Variants in MUC5B observed in about 807,000 individuals in gnomAD.
MUC5B encodes mucin-5B.
In MUC5B, 116 loss-of-function variants were observed where a neutral mutation model predicts 376.9. The observed-to-expected ratio is 0.31, with a 90% CI of 0.26 to 0.36. MUC5B has a LOEUF of 0.36. Ranked by LOEUF, MUC5B falls within the 10% of genes least tolerant of loss-of-function variation. The pLI is 1.00. For synonymous variants in MUC5B, 3,517 were observed against 3,390.9 expected, an observed-to-expected ratio of 1.04 and a Z score of -1.29; for missense variants, 7,165 against 7,769.9, an observed-to-expected ratio of 0.92 and a Z score of 2.93.
In MUC5B at chr11:1,241,860, C is replaced by A; in HGVS notation, c.4980C>A (p.Pro1660=). 6.2e-7 allele frequency: 1 copy of A among 1,613,372 alleles called. No individual in the cohort carries two copies. Residue 1660 remains proline (P), a synonymous_variant, in exon 31 of 49, where the codon CCC becomes CCA. Coordinates refer to ENST00000529681, the MANE Select transcript of MUC5B (RefSeq NM_002458.3). The stretch of plus-strand genomic sequence containing the variant: ...CCCTCTCAGAAGGACTGACATCCCC[C>A]AGATACACAAGCACCCTTGGTACAG... ...VPTLSEGLTS[P]RYTSTLGTAT... is the part of the protein sequence containing the mutation.
chr11:1,260,404 G>A lies in MUC5B; in HGVS notation c.16966+11G>A. 1 of 1,612,422 alleles carries A rather than the reference G, an allele frequency of 6.2e-7. No individual in the cohort carries two copies. The highest frequency in any genetic ancestry group is 1.1e-5 in the South Asian group (1 of 91,088). On this transcript the variant is annotated intron_variant, in intron 47 of 48. Transcript: ENST00000529681. The stretch of plus-strand genomic sequence containing the variant: ...ACTCCTGTGAGGAGGGTAAGTGGAA[G>A]CCACCTTCCCACACCAGCCCTCCAG...
In MUC5B at chr11:1,235,124, C is replaced by T. The variant is rs1862126720; in HGVS notation, c.2670C>T (p.Leu890=). Reference sequence around the variant, plus strand: ...GGAGGTGGGAGTGCAGCCACCGGCTCTGCCTGGGCACCTGCGTGGCCTACG... The same window carrying T: ...GGAGGTGGGAGTGCAGCCACCGGCTTTGCCTGGGCACCTGCGTGGCCTACG... ...RNRRWECSHR[L]CLGTCVAYGD... Residue 890 remains leucine (L), a synonymous_variant, in exon 22 of 49, where the codon CTC becomes CTT. Transcript: ENST00000529681. 1 of 1,612,696 alleles carries T rather than the reference C, an allele frequency of 6.2e-7. No homozygotes were observed. The highest frequency in any genetic ancestry group is 1.3e-5 in the African/African-American group (1 of 75,046).
chr11:1,241,893 G>C lies in MUC5B; in HGVS notation c.5013G>C (p.Thr1671=), dbSNP rs566512627. The change falls in exon 31 of 49, where the codon ACG becomes ACC. Residue 1671 remains threonine (T), a synonymous_variant. Transcript: ENST00000529681. The stretch of plus-strand genomic sequence containing the variant: ...CAAGCACCCTTGGTACAGCCACCAC[G>C]GGAGGCCCCACGACGCCTGCAGGCT... ...RYTSTLGTAT[T]GGPTTPAGST... 6.2e-7 allele frequency: 1 copy of C among 1,611,728 alleles called. No individual in the cohort carries two copies. Among genetic ancestry groups the C allele is most frequent in the Non-Finnish European group, 8.5e-7 (1 of 1,179,190 alleles).
Position 1,251,360 on chromosome 11 carries a change from C to G in MUC5B, c.14480C>G (p.Thr4827Ser), listed in dbSNP as rs1238306295. 6.2e-7 allele frequency: 1 copy of G among 1,612,238 alleles called. No homozygotes were observed. The highest frequency in any genetic ancestry group is 1.1e-5 in the South Asian group (1 of 91,030). Residue 4827 changes from threonine to serine, a missense_variant, in exon 31 of 49, where the codon ACT (threonine) becomes AGT (serine). Coordinates refer to ENST00000529681, the MANE Select transcript of MUC5B (RefSeq NM_002458.3). ...CTCACTGAGCTGACCACAACAGCCA[C>G]TACAACTGCAGCCACTGGATCCACG... is the stretch of plus-strand genomic sequence containing the variant. ...RILTELTTTA[T>S]TTAATGSTAT... is the part of the protein sequence containing the mutation.
Position 1,246,112 on chromosome 11 carries a change from G to A in MUC5B, c.9232G>A (p.Gly3078Arg), listed in dbSNP as rs200275528. 114 of 1,611,826 alleles carry A rather than the reference G, an allele frequency of 7.1e-5. No homozygotes were observed. The highest frequency in any genetic ancestry group is 6.6e-4 in the Middle Eastern group (4 of 6,058). ...CCCCTCCTTCACCCTTGGGACCACC[G>A]GGACCCTCCCAGAACAGACCACCAC... Reference protein sequence around the residue: ...PIPSFTLGTTGTLPEQTTTPM... With the variant: ...PIPSFTLGTTRTLPEQTTTPM... Residue 3078 changes from glycine to arginine, a missense_variant, in exon 31 of 49, where the codon GGG becomes AGG. Transcript: ENST00000529681.
Position 1,226,236 on chromosome 11 carries a change from G to A in MUC5B, c.159G>A (p.Val53=). ...CGACGTCCTCGCCCACCCGGCGCGT[G>A]AGCTTTGTTCCACCCGTCACTGTCT... is the stretch of plus-strand genomic sequence containing the variant. The part of the protein sequence containing the change: ...GAPTSSPTRR[V]SFVPPVTVFP... The change falls in exon 3 of 49, where the codon GTG becomes GTA. Residue 53 remains valine (V), a synonymous_variant. Coordinates refer to ENST00000529681, the MANE Select transcript of MUC5B (RefSeq NM_002458.3). The A allele has an allele frequency of 1.3e-6, 2 of 1,556,744 alleles. No homozygotes were observed. Among genetic ancestry groups the A allele is most frequent in the South Asian group, 2.4e-5 (2 of 84,344 alleles).
In MUC5B at chr11:1,242,549, C is replaced by A; in HGVS notation, c.5669C>A (p.Ala1890Asp). The change falls in exon 31 of 49, where the codon GCC becomes GAC. Residue 1890 changes from alanine (A) to aspartate (D), a missense_variant. By Grantham distance (126) the Ala-to-Asp change is moderately radical. Transcript: ENST00000529681. ...TACAGCCACTGCCCCAGTACCCCAG[C>A]CACCAGCTCCACGGCCACGCCCTCC... is the stretch of plus-strand genomic sequence containing the variant. ...DDYSHCPSTP[A>D]TSSTATPSST... 6.2e-7 allele frequency: 1 copy of A among 1,613,852 alleles called. No individual in the cohort carries two copies. Among genetic ancestry groups the A allele is most frequent in the Non-Finnish European group, 8.5e-7 (1 of 1,179,818 alleles).
intron 18 of MUC5B, 86 bp from the exon 19 acceptor site, chr11:1,233,707 A>T (rs1862087653): frequency 1.5e-6 from 2 of 1,360,692 alleles, no homozygotes; most frequent in Non-Finnish European, 2.0e-6. Flanking sequence ...GGGGAGGCCC[A>T]GCGTTCGGCG....
At position 1,244,835 on chromosome 11, in the gene MUC5B, T is replaced by A; in HGVS notation, c.7955T>A (p.Ile2652Asn). 3.1e-6 allele frequency: 5 copies of A among 1,609,798 alleles called. No homozygotes were observed. The highest frequency in any genetic ancestry group is 4.2e-6 in the Non-Finnish European group (5 of 1,178,688). ...TRGSTVTPSS[I>N]PGTTHTPTVL... Reference sequence around the variant, plus strand: ...GGTTCCACGGTGACCCCCTCCTCCATCCCGGGGACCACCCACACCCCCACA... The same window carrying A: ...GGTTCCACGGTGACCCCCTCCTCCAACCCGGGGACCACCCACACCCCCACA... Residue 2652 changes from isoleucine to asparagine, a missense_variant, in exon 31 of 49, where the codon ATC becomes AAC. Ile to Asn is a moderately radical substitution (Grantham distance 149). This residue lies in a region of MUC5B where 141 missense variants were observed against 111.2 expected (regional missense o/e 1.27). Transcript: ENST00000529681.
Position 1,242,514 on chromosome 11 carries a change from C to T in MUC5B, c.5634C>T (p.Cys1878=). Residue 1878 remains cysteine (C), a synonymous_variant, in exon 31 of 49, where the codon TGC becomes TGT. Coordinates refer to ENST00000529681, the MANE Select transcript of MUC5B (RefSeq NM_002458.3). ...MCFNYNVRVL[C]CDDYSHCPST... ...TCAACTACAACGTGCGTGTGCTTTG[C>T]TGTGACGACTACAGCCACTGCCCCA... 1.2e-6 allele frequency: 2 copies of T among 1,613,798 alleles called. No individual in the cohort carries two copies. Among genetic ancestry groups the T allele is most frequent in the Non-Finnish European group, 1.7e-6 (2 of 1,179,812 alleles).
intron 24 of MUC5B, among the ~76,000 whole-genome samples, 181 bp from the exon 25 acceptor site, chr11:1,236,744 C>T (rs1054192009): frequency 6.6e-6 from 1 of 152,184 alleles, no homozygotes; most frequent in Admixed American, 6.5e-5. Flanking sequence ...TGCCACCCAG[C>T]GGCCCACCCA....
rs546799199 is a variant in MUC5B at position 1,251,369 on chromosome 11, C to G, written c.14489C>G (p.Ala4830Gly). The change falls in exon 31 of 49, where the codon GCA (alanine) becomes GGA (glycine). Residue 4830 changes from alanine to glycine, a missense_variant. By Grantham distance (60) the Ala-to-Gly change is moderately conservative (BLOSUM62 0). This residue lies in a region of MUC5B where 730 missense variants were observed against 592.7 expected (regional missense o/e 1.23). Coordinates refer to ENST00000529681, the MANE Select transcript of MUC5B (RefSeq NM_002458.3). ...CTGACCACAACAGCCACTACAACTGCAGCCACTGGATCCACGGCCACCCTG... is the reference window on the plus strand; with the variant it reads ...CTGACCACAACAGCCACTACAACTGGAGCCACTGGATCCACGGCCACCCTG... ...TELTTTATTT[A>G]ATGSTATLSS... 10 of 1,607,944 alleles carry G rather than the reference C, an allele frequency of 6.2e-6. No individual in the cohort carries two copies. The East Asian group carries it at 2.2e-4, about 36-fold the overall frequency.
chr11:1,242,571 C>T lies in MUC5B; in HGVS notation c.5691C>T (p.Pro1897=). The change falls in exon 31 of 49, where the codon CCC becomes CCT. Residue 1897 remains proline, a synonymous_variant. Transcript: ENST00000529681. The part of the protein sequence containing the change: ...STPATSSTAT[P]SSTPGTTWIL... ...CAGCCACCAGCTCCACGGCCACGCCCTCCTCAACTCCGGGGACGACCTGGA... is the reference window on the plus strand; with the variant it reads ...CAGCCACCAGCTCCACGGCCACGCCTTCCTCAACTCCGGGGACGACCTGGA... 1 of 1,613,716 alleles carries T rather than the reference C, an allele frequency of 6.2e-7. No homozygotes were observed. The highest frequency in any genetic ancestry group is 8.5e-7 in the Non-Finnish European group (1 of 1,179,798).
In MUC5B at chr11:1,261,678, C is replaced by A. The variant is rs756898647; in HGVS notation, c.*70C>A. On this transcript the variant is annotated 3_prime_UTR_variant, in exon 49 of 49. Coordinates refer to ENST00000529681, the MANE Select transcript of MUC5B (RefSeq NM_002458.3). Reference sequence around the variant, plus strand: ...GATGTGCATTGTCTGATCATGAAAACCTTGGGCCTCCTCTGCGGAGCCCCC... The same window carrying A: ...GATGTGCATTGTCTGATCATGAAAAACTTGGGCCTCCTCTGCGGAGCCCCC... The A allele has an allele frequency of 1.1e-5, 16 of 1,441,358 alleles. No homozygotes were observed. The South Asian group carries it at 2.0e-4, about 18-fold the overall frequency. 89.3% of individuals were successfully genotyped at this position (1,441,358 alleles called of 1,614,324 possible).
intron 7 of MUC5B, 185 bp from the exon 8 acceptor site, chr11:1,228,379 G>C (rs879321303): frequency 3.6e-5 from 21 of 585,816 alleles, no homozygotes; most frequent in Admixed American, 1.0e-4. Flanking sequence ...CCCGGTCACG[G>C]GTCACTCCCC....
intron 48 of MUC5B, among the ~76,000 whole-genome samples, chr11:1,261,095 G>C (rs1375376865): frequency 6.6e-6 from 1 of 152,248 alleles, no homozygotes; most frequent in Non-Finnish European, 1.5e-5. Flanking sequence ...CCCTTAGCTA[G>C]AAGAGGCAGG....
At chr11:1,224,861 C>T (rs1861846767) in intron 1 of MUC5B, among the ~76,000 whole-genome samples, 1 of 152,124 alleles carries the variant, frequency 6.6e-6, no homozygotes. Flanking sequence ...GCTGTGGGGG[C>T]TGGGGCCTCA....
At chr11:1,223,931 C>A (rs962417865) in intron 1 of MUC5B, among the ~76,000 whole-genome samples, 1 of 152,226 alleles carries the variant, frequency 6.6e-6, no homozygotes, top group African/African-American at 2.4e-5. Flanking sequence ...CACCCCCTCC[C>A]AAGCTTGGGG....
rs766859163 is a variant in MUC5B at position 1,241,872 on chromosome 11, C to T, written c.4992C>T (p.Ser1664=). ...GACTGACATCCCCCAGATACACAAG[C>T]ACCCTTGGTACAGCCACCACGGGAG... The part of the protein sequence containing the change: ...SEGLTSPRYT[S]TLGTATTGGP... Residue 1664 remains serine, a synonymous_variant, in exon 31 of 49, where the codon AGC becomes AGT. Coordinates refer to ENST00000529681, the MANE Select transcript of MUC5B (RefSeq NM_002458.3). 3.2e-5 allele frequency: 51 copies of T among 1,613,082 alleles called. No homozygotes were observed. Among genetic ancestry groups the T allele is most frequent in the Non-Finnish European group, 4.3e-5 (51 of 1,179,650 alleles).
Sources: allele counts gnomAD v4.1 joint callset (sites outside exome capture counted in the v4.1 genomes callset), GRCh38; gene constraint gnomAD v4.1.1; regional missense constraint gnomAD v4.1.1; transcripts MANE v1.5; gene names NCBI Gene and HGNC (gene_info 2026-07-23, HGNC 2026-07-21).